Variants in MACROD2 observed in about 807,000 individuals in gnomAD.
MACROD2 encodes mono-ADP ribosylhydrolase 2.
MACROD2 carries 36 observed loss-of-function variants against 70.4 expected under a neutral mutation model. The observed-to-expected ratio is 0.51, with a 90% CI of 0.39 to 0.68. The LOEUF is 0.68. MACROD2 is among the 30% of genes least tolerant of loss of function. The pLI is 0.00. For synonymous variants in MACROD2, 172 were observed against 178.8 expected, an observed-to-expected ratio of 0.96 and a Z score of 0.30; for missense variants, 496 against 538.4, an observed-to-expected ratio of 0.92 and a Z score of 0.78.
chr20:15,447,905 C>A (rs1244016521), intron 7 of MACROD2, among the ~76,000 whole-genome samples: 1 of 152,102 alleles, frequency 6.6e-6, no homozygotes, highest in Non-Finnish European at 1.5e-5. Context: ...TGAATACAGA[C>A]TGGTTCAGGC....
intron 4 of MACROD2, among the ~76,000 whole-genome samples, chr20:14,646,503 A>T: frequency 6.6e-6 from 1 of 152,228 alleles, no homozygotes; most frequent in Middle Eastern, 3.4e-3. Context: ...CTATAGCAAG[A>T]TAATTAGTTA....
chr20:15,925,221 C>T (rs2065471072), intron 10 of MACROD2, among the ~76,000 whole-genome samples: 1 of 152,196 alleles, frequency 6.6e-6, no homozygotes, highest in Non-Finnish European at 1.5e-5. Context: ...CATTGGAAGA[C>T]TTTGGGAAAG....
chr20:14,782,441 G>T (rs940943331), intron 5 of MACROD2, among the ~76,000 whole-genome samples: 6 of 152,044 alleles, frequency 3.9e-5, no homozygotes, highest in African/African-American at 1.2e-4. Context: ...GTAAATTTTA[G>T]ATATAACGTT....
At chr20:15,520,167 T>C (rs763287894) in intron 8 of MACROD2, among the ~76,000 whole-genome samples, 12 of 152,260 alleles carry the variant, frequency 7.9e-5, no homozygotes, top group Admixed American at 2.6e-4. Context: ...TGGATAGAAC[T>C]GATCTATTTT....
intron 6 of MACROD2, among the ~76,000 whole-genome samples, chr20:15,285,495 G>T (rs187692461): frequency 6.6e-6 from 1 of 152,058 alleles, no homozygotes; most frequent in African/African-American, 2.4e-5. Context: ...ATTTATATTC[G>T]TATGACAGCA....
intron 4 of MACROD2, among the ~76,000 whole-genome samples, chr20:14,672,127 C>A (rs2070802408): frequency 1.3e-5 from 2 of 152,158 alleles, no homozygotes; most frequent in Non-Finnish European, 2.9e-5. Context: ...CTTAAAACAA[C>A]AGCTATTTAA....
intron 3 of MACROD2, among the ~76,000 whole-genome samples, chr20:14,191,887 A>T (rs1213065821): frequency 6.6e-6 from 1 of 150,396 alleles, no homozygotes; most frequent in African/African-American, 2.4e-5. Flanking sequence ...TTTGCCCTGA[A>T]TGAGATGAGG....
intron 5 of MACROD2, among the ~76,000 whole-genome samples, chr20:14,896,732 A>G (rs2122532830): frequency 6.6e-6 from 1 of 152,280 alleles, no homozygotes; most frequent in African/African-American, 2.4e-5. Flanking sequence ...GCTTCCTGTG[A>G]ATTGATACAA....
At chr20:14,435,711 CA>C (rs2084048821) in intron 3 of MACROD2, among the ~76,000 whole-genome samples, 1 of 119,370 alleles carries the variant, frequency 8.4e-6, no homozygotes, top group African/African-American at 2.7e-5. Context: ...TTATAGAAGT[CA>C]TTTTTTTTTT....
chr20:14,965,757 C>T (rs966419289), intron 5 of MACROD2, among the ~76,000 whole-genome samples: 3 of 151,880 alleles, frequency 2.0e-5, no homozygotes, highest in Admixed American at 6.6e-5. Context: ...CGTGAGCCAC[C>T]GCACCTGGCC....
At chr20:15,921,833 G>A (rs958930680) in intron 10 of MACROD2, among the ~76,000 whole-genome samples, 2 of 152,208 alleles carry the variant, frequency 1.3e-5, no homozygotes, top group South Asian at 4.1e-4. Context: ...GAGAAGGGGA[G>A]GAAACAAAAA....
intron 5 of MACROD2, among the ~76,000 whole-genome samples, chr20:14,853,214 G>A (rs1390574808): frequency 2.4e-5 from 3 of 124,456 alleles, no homozygotes; most frequent in Non-Finnish European, 3.7e-5. Context: ...AATGGGGATA[G>A]AGAAGCAAGT....
In MACROD2 at chr20:15,556,586, T is replaced by G. The variant is rs73100246; in HGVS notation, c.645+56739T>G. Among the ~76,000 whole-genome samples, 981 of 152,358 alleles carry G rather than the reference T, an allele frequency of 6.4e-3. 5 individuals carry two copies. The highest frequency in any genetic ancestry group is 0.051 in the Middle Eastern group (15 of 292). On this transcript the variant is annotated intron_variant, in intron 8 of 17. Coordinates refer to ENST00000684519, the MANE Select transcript of MACROD2 (RefSeq NM_001351661.2). ...ATATTGGAAGAGACCCATTTGAATT[T>G]TAGCTCTTATATGTTACAATGTACT...
chr20:14,368,131 G>A (rs910774447), intron 3 of MACROD2, among the ~76,000 whole-genome samples: 3 of 152,116 alleles, frequency 2.0e-5, no homozygotes, highest in African/African-American at 7.2e-5. Context: ...TTTAAGGACA[G>A]TTGATTTAAA....
chr20:15,053,932 T>C (rs1029923100), intron 5 of MACROD2, among the ~76,000 whole-genome samples: 4 of 152,214 alleles, frequency 2.6e-5, no homozygotes, highest in African/African-American at 9.6e-5. Context: ...TCAACTCTTA[T>C]GGATGACTTT....
intron 8 of MACROD2, among the ~76,000 whole-genome samples, chr20:15,572,199 G>A (rs1213294186): frequency 6.6e-6 from 1 of 151,990 alleles, no homozygotes; most frequent in Non-Finnish European, 1.5e-5. Context: ...CTCAGGTAAG[G>A]GGAAGGGTAT....
At chr20:15,464,090 C>T (rs553176693) in intron 7 of MACROD2, among the ~76,000 whole-genome samples, 2 of 152,254 alleles carry the variant, frequency 1.3e-5, no homozygotes, top group South Asian at 4.2e-4. Flanking sequence ...ACCCTGTCAC[C>T]CGAGCTGGAA....
intron 8 of MACROD2, among the ~76,000 whole-genome samples, chr20:15,691,413 A>G (rs1279814985): frequency 1.3e-5 from 2 of 152,196 alleles, no homozygotes; most frequent in East Asian, 3.9e-4. Context: ...TGTGCCAGGT[A>G]CCATTTTAGG....
intron 2 of MACROD2, among the ~76,000 whole-genome samples, chr20:14,015,243 C>T (rs372207063): frequency 3.9e-5 from 6 of 152,130 alleles, no homozygotes; most frequent in South Asian, 4.1e-4. Context: ...CAGTGCTGTG[C>T]GACAATCACC....
Sources: allele counts gnomAD v4.1 joint callset (sites outside exome capture counted in the v4.1 genomes callset), GRCh38; gene constraint gnomAD v4.1.1; transcripts MANE v1.5; gene names NCBI Gene and HGNC (gene_info 2026-07-23, HGNC 2026-07-21).